The following DISC1 variants were observed in gnomAD, a reference collection of about 807,000 sequenced individuals.
The protein encoded by DISC1 is DISC1 scaffold protein, also known as disrupted in schizophrenia 1 protein.
DISC1 carries 57 observed loss-of-function variants against 84.5 expected under a neutral mutation model. That is an observed-to-expected ratio of 0.67 (90% confidence interval 0.55 to 0.84). DISC1 has a LOEUF of 0.84. Ranked by LOEUF, DISC1 falls within the 40% of genes least tolerant of loss-of-function variation. DISC1 has a pLI of 0.00. For missense variants in DISC1, 1,000 were observed against 1,057.8 expected (o/e 0.95, Z 0.76); for synonymous variants, 411 against 415.2 (o/e 0.99, Z 0.12).
chr1:231,990,258 G>C (rs2102913155), intron 10 of DISC1, among the ~76,000 whole-genome samples: 1 of 152,070 alleles, frequency 6.6e-6, no homozygotes, highest in Non-Finnish European at 1.5e-5. Context: ...GAGAAGGCCT[G>C]ACACCCTGTT....
chr1:231,835,500 A>T (rs1461689808), intron 9 of DISC1, among the ~76,000 whole-genome samples: 1 of 152,204 alleles, frequency 6.6e-6, no homozygotes, highest in Non-Finnish European at 1.5e-5. Flanking sequence ...GAATTTCACC[A>T]GATAATGTCA....
chr1:231,633,150 T>C (rs2058879505), intron 1 of DISC1, among the ~76,000 whole-genome samples: 1 of 152,218 alleles, frequency 6.6e-6, no homozygotes, highest in African/African-American at 2.4e-5. Flanking sequence ...TCCTTAAGAA[T>C]CTATTTGTTC....
intron 8 of DISC1, among the ~76,000 whole-genome samples, chr1:231,815,958 T>C (rs1351380012): frequency 2.0e-5 from 3 of 152,168 alleles, no homozygotes; most frequent in East Asian, 1.9e-4. Context: ...TTTGATGACA[T>C]GTTTTCATTT....
chr1:231,782,179 T>G (rs2077477899), intron 6 of DISC1, among the ~76,000 whole-genome samples: 1 of 152,226 alleles, frequency 6.6e-6, no homozygotes, highest in East Asian at 1.9e-4. Flanking sequence ...TTTCCTCAGC[T>G]TCCTCTTTGA....
Position 231,826,146 on chromosome 1 carries a change from T to C in DISC1, c.1981+7629T>C, listed in dbSNP as rs16855129. Among the ~76,000 whole-genome samples the C allele has an allele frequency of 0.027, 4,038 of 152,332 alleles. 165 individuals are homozygous for C. Among genetic ancestry groups the C allele is most frequent in the African/African-American group, 0.09 (3,751 of 41,584 alleles). The stretch of plus-strand genomic sequence containing the variant: ...CTCATCCTCTGGACCACTGTGGTAC[T>C]GGCTCCACTGGAATCTCTGTTTTAC... On this transcript the variant is annotated intron_variant, in intron 9 of 12. Transcript: ENST00000439617. The surrounding 1 kb of genome is among the most constrained non-coding windows in gnomAD (Gnocchi z 4.2).
chr1:231,719,889 C>T (rs1027612412), intron 3 of DISC1, among the ~76,000 whole-genome samples: 1 of 152,146 alleles, frequency 6.6e-6, no homozygotes. Context: ...AGTTATTTTC[C>T]GTCACAGCCA....
chr1:232,021,673 G>A (rs1329864943), intron 11 of DISC1, among the ~76,000 whole-genome samples: 1 of 152,184 alleles, frequency 6.6e-6, no homozygotes, highest in Non-Finnish European at 1.5e-5. Context: ...GAGGTTCTGT[G>A]TAGGGACAAC....
At chr1:231,687,280 T>C (rs988241838) in intron 1 of DISC1, among the ~76,000 whole-genome samples, 15 of 152,154 alleles carry the variant, frequency 9.9e-5, no homozygotes, top group African/African-American at 3.6e-4. Flanking sequence ...TACCTGAGAC[T>C]GGGAAGAAAA....
At chr1:231,834,491 G>T (rs1194149621) in intron 9 of DISC1, among the ~76,000 whole-genome samples, 1 of 152,170 alleles carries the variant, frequency 6.6e-6, no homozygotes, top group African/African-American at 2.4e-5. Flanking sequence ...TTTATGACAA[G>T]AATTATTTAG....
chr1:231,770,788 C>A, intron 5 of DISC1, 47 bp from the exon 6 acceptor site: 1 of 1,589,246 alleles, frequency 6.3e-7, no homozygotes, highest in South Asian at 1.1e-5. Flanking sequence ...AGCAGTTTGC[C>A]ATGAGCAGGG....
chr1:232,029,954 G>A (rs1669844914), intron 12 of DISC1, among the ~76,000 whole-genome samples: 1 of 152,170 alleles, frequency 6.6e-6, no homozygotes, highest in Non-Finnish European at 1.5e-5. Context: ...TCCAAGGAGG[G>A]AGAGGAAAGA....
intron 9 of DISC1, among the ~76,000 whole-genome samples, chr1:231,880,573 C>T (rs1011358544): frequency 1.5e-4 from 23 of 152,114 alleles, no homozygotes; most frequent in South Asian, 8.3e-4. Flanking sequence ...GTTATAGGAC[C>T]GACAGGTTCG....
intron 1 of DISC1, among the ~76,000 whole-genome samples, chr1:231,677,919 G>C (rs946067868): frequency 1.3e-5 from 2 of 152,118 alleles, no homozygotes; most frequent in Non-Finnish European, 2.9e-5. Flanking sequence ...GGTGGTTGCA[G>C]TGAGCCAAGA....
chr1:231,793,097 G>A (rs2078471439), intron 6 of DISC1, among the ~76,000 whole-genome samples: 1 of 152,198 alleles, frequency 6.6e-6, no homozygotes, highest in African/African-American at 2.4e-5. Flanking sequence ...ATACTCAGAA[G>A]TGACAAATTG....
intron 7 of DISC1, among the ~76,000 whole-genome samples, chr1:231,798,002 A>T (rs1003304958): frequency 6.6e-6 from 1 of 151,930 alleles, no homozygotes; most frequent in East Asian, 1.9e-4. Flanking sequence ...AAAACTGTCC[A>T]GTCACACAAA....
intron 10 of DISC1, among the ~76,000 whole-genome samples, chr1:231,991,159 C>G (rs1048492545): frequency 6.6e-6 from 1 of 152,252 alleles, no homozygotes; most frequent in African/African-American, 2.4e-5. Flanking sequence ...CTCTCTAACT[C>G]TTTGACCTAC....
chr1:231,733,431 A>G (rs1440901898), intron 3 of DISC1, among the ~76,000 whole-genome samples: 1 of 143,652 alleles, frequency 7.0e-6, no homozygotes, highest in Non-Finnish European at 1.5e-5. Context: ...TGGTTGTAGG[A>G]ATGGTGGTGA....
intron 9 of DISC1, among the ~76,000 whole-genome samples, chr1:231,940,147 A>G (rs1432561687): frequency 6.6e-6 from 1 of 151,830 alleles, no homozygotes. Flanking sequence ...CCTGGTGCTC[A>G]CTGCTATTCT....
At chr1:231,739,674 G>A (rs1227512688) in intron 3 of DISC1, among the ~76,000 whole-genome samples, 1 of 152,222 alleles carries the variant, frequency 6.6e-6, no homozygotes, top group African/African-American at 2.4e-5. Context: ...GATCTTTGTA[G>A]CCCAACAGTC....
Sources: allele counts gnomAD v4.1 joint callset (sites outside exome capture counted in the v4.1 genomes callset), GRCh38; gene constraint gnomAD v4.1.1; non-coding constraint Gnocchi (gnomAD v3.1); transcripts MANE v1.5; gene names NCBI Gene and HGNC (gene_info 2026-07-23, HGNC 2026-07-21).